The following PTPRD variants were observed in gnomAD, a reference collection of about 807,000 sequenced individuals.
PTPRD encodes receptor-type tyrosine-protein phosphatase delta.
A neutral mutation model predicts 214.5 loss-of-function variants in PTPRD; 34 were observed. The ratio of observed to expected loss-of-function variants is 0.16; its 90% CI spans 0.12 to 0.21. The LOEUF is 0.21. Among genes scored for constraint, PTPRD ranks in the 10% least tolerant of loss-of-function variants. PTPRD has a pLI of 1.00. For synonymous variants in PTPRD, 1,128 were observed against 845.7 expected (o/e 1.33, Z -5.79); for missense variants, 2,545 against 2,398.7 (o/e 1.06, Z -1.27).
At position 8,317,292 on chromosome 9, in the gene PTPRD, G is replaced by A. The variant is rs1428284393; in HGVS notation, c.*582C>T. 8.6e-6 allele frequency: 2 copies of A among 231,824 alleles called. No individual in the cohort carries two copies. Among genetic ancestry groups the A allele is most frequent in the East Asian group, 6.1e-5 (1 of 16,384 alleles). 14.4% of individuals were successfully genotyped at this position (231,824 alleles called of 1,614,324 possible). A position where few individuals can be genotyped will look rare whatever the true frequency, so the allele number is the denominator to read the frequency against. On this transcript the variant is annotated 3_prime_UTR_variant, in exon 46 of 46. Coordinates refer to ENST00000381196, the MANE Select transcript of PTPRD (RefSeq NM_002839.4). ...TAACTTTTTTAAAATTCACTTTATC[G>A]AATGATACATTTTGTTAAAAAAAAG...
chr9:9,679,269 CA>C (rs1484865143), intron 7 of PTPRD, among the ~76,000 whole-genome samples: 1 of 151,674 alleles, frequency 6.6e-6, no homozygotes, highest in Non-Finnish European at 1.5e-5. Flanking sequence ...CCTTCACACA[CA>C]AGCGCTTTGC....
At chr9:8,752,295 A>G (rs987854659) in intron 11 of PTPRD, among the ~76,000 whole-genome samples, 29 of 152,124 alleles carry the variant, frequency 1.9e-4, no homozygotes, top group African/African-American at 5.8e-4. Flanking sequence ...GATGGCCATG[A>G]GAGTGACCTC....
chr9:8,785,945 C>T (rs1446499631), intron 11 of PTPRD, among the ~76,000 whole-genome samples: 3 of 152,086 alleles, frequency 2.0e-5, no homozygotes, highest in Non-Finnish European at 4.4e-5. Context: ...TTATAATGTG[C>T]ACTTTAGATG....
intron 2 of PTPRD, among the ~76,000 whole-genome samples, chr9:10,562,553 GAAT>G (rs1429989766): frequency 6.6e-6 from 1 of 151,974 alleles, no homozygotes; most frequent in Non-Finnish European, 1.5e-5. Flanking sequence ...TTGAAATCCT[GAAT>G]AATTATTTTA....
chr9:8,990,557 T>C (rs557136153), intron 11 of PTPRD, among the ~76,000 whole-genome samples: 1 of 152,228 alleles, frequency 6.6e-6, no homozygotes, highest in Admixed American at 6.5e-5. Context: ...TTCTGCCCCA[T>C]GGCAAGTCAC....
At chr9:9,470,935 C>T (rs1469719252) in intron 8 of PTPRD, among the ~76,000 whole-genome samples, 1 of 152,112 alleles carries the variant, frequency 6.6e-6, no homozygotes, top group Non-Finnish European at 1.5e-5. Flanking sequence ...GGGATGGAAA[C>T]TTAGACTGTA....
chr9:9,345,617 TC>T (rs1249611596), intron 9 of PTPRD, among the ~76,000 whole-genome samples: 6 of 152,200 alleles, frequency 3.9e-5, no homozygotes, highest in African/African-American at 1.2e-4. Context: ...CCCAAGGTCA[TC>T]CCATATGGCT....
intron 8 of PTPRD, among the ~76,000 whole-genome samples, chr9:9,476,563 A>G (rs777001218): frequency 2.6e-5 from 4 of 152,096 alleles, no homozygotes; most frequent in Non-Finnish European, 4.4e-5. Flanking sequence ...GGACCAGAAC[A>G]TCTTTATGTT....
intron 19 of PTPRD, 57 bp downstream of exon 19, chr9:8,523,456 G>A: frequency 6.4e-7 from 1 of 1,573,770 alleles, no homozygotes; most frequent in Non-Finnish European, 8.7e-7. Flanking sequence ...TGTATTCTTT[G>A]TTATTGGTTT....
chr9:9,146,210 T>G (rs1027832532), intron 10 of PTPRD, among the ~76,000 whole-genome samples: 7 of 152,222 alleles, frequency 4.6e-5, no homozygotes, highest in African/African-American at 1.7e-4. Context: ...TATTCGTTAG[T>G]ACCTGTATTA....
At chr9:10,503,897 A>G (rs1041489987) in intron 2 of PTPRD, among the ~76,000 whole-genome samples, 9 of 151,700 alleles carry the variant, frequency 5.9e-5, no homozygotes, top group African/African-American at 1.7e-4. Context: ...TGGGCGGATC[A>G]TAAGGTCAGG....
chr9:10,464,408 GAGAC>G (rs1365055276), intron 2 of PTPRD, among the ~76,000 whole-genome samples: 12 of 137,724 alleles, frequency 8.7e-5, no homozygotes, highest in African/African-American at 3.1e-4. Flanking sequence ...GAGAGATAGA[GAGAC>G]AGAGAGAGAG....
At chr9:9,540,907 T>C (rs115011908) in intron 8 of PTPRD, among the ~76,000 whole-genome samples, 2,017 of 151,894 alleles carry the variant, frequency 0.013, 49 homozygotes, top group African/African-American at 0.046. Flanking sequence ...TTTGTTCCTA[T>C]CCTAATACTA....
chr9:9,579,092 A>G (rs546247444), intron 7 of PTPRD, among the ~76,000 whole-genome samples: 1 of 152,246 alleles, frequency 6.6e-6, no homozygotes, highest in East Asian at 1.9e-4. Context: ...ATGATAGTTA[A>G]TCATTGTACG....
chr9:9,617,618 A>T (rs1473479324), intron 7 of PTPRD, among the ~76,000 whole-genome samples: 1 of 152,128 alleles, frequency 6.6e-6, no homozygotes, highest in Non-Finnish European at 1.5e-5. Flanking sequence ...TGCATGAAAA[A>T]AGAAGTCTCT....
intron 6 of PTPRD, among the ~76,000 whole-genome samples, chr9:9,752,777 G>A (rs1369105156): frequency 6.6e-6 from 1 of 151,936 alleles, no homozygotes; most frequent in Non-Finnish European, 1.5e-5. Context: ...TTGTTTAGAA[G>A]ATCCATTAAA....
At chr9:10,390,285 T>G (rs759794531) in intron 2 of PTPRD, among the ~76,000 whole-genome samples, 5 of 151,830 alleles carry the variant, frequency 3.3e-5, no homozygotes, top group Non-Finnish European at 5.9e-5. Context: ...CACCCTTTGC[T>G]TTCACCACAT....
At chr9:9,872,769 G>A (rs924951968) in intron 5 of PTPRD, among the ~76,000 whole-genome samples, 8 of 152,142 alleles carry the variant, frequency 5.3e-5, no homozygotes, top group African/African-American at 1.7e-4. Flanking sequence ...ACTTCAAGTA[G>A]TTTTTAAAAA....
At chr9:8,465,432 C>A (rs188563805) in intron 32 of PTPRD, 34 bp downstream of exon 32, 1 of 1,581,202 alleles carries the variant, frequency 6.3e-7, no homozygotes, top group Admixed American at 1.7e-5. Flanking sequence ...TATAAGCGTA[C>A]CATAGGAAAC....
Sources: allele counts gnomAD v4.1 joint callset (sites outside exome capture counted in the v4.1 genomes callset), GRCh38; gene constraint gnomAD v4.1.1; transcripts MANE v1.5; gene names NCBI Gene and HGNC (gene_info 2026-07-23, HGNC 2026-07-21).